Variants in TENM2 observed in about 807,000 individuals in gnomAD.
The protein encoded by TENM2 is teneurin transmembrane protein 2.
A neutral mutation model predicts 245.2 loss-of-function variants in TENM2; 52 were observed. The ratio of observed to expected loss-of-function variants is 0.21; its 90% CI spans 0.17 to 0.27. TENM2 has a LOEUF of 0.27. Ranked by LOEUF, TENM2 falls within the 10% of genes least tolerant of loss-of-function variation. The pLI, the probability that TENM2 is intolerant of heterozygous loss-of-function variation, is 1.00. For missense variants in TENM2, 3,046 were observed against 3,666.8 expected (o/e 0.83, Z 4.37); for synonymous variants, 1,363 against 1,438.9 (o/e 0.95, Z 1.19).
chr5:167,493,728 T>G (rs1768594030), intron 2 of TENM2, among the ~76,000 whole-genome samples: 1 of 152,076 alleles, frequency 6.6e-6, no homozygotes. Context: ...GGAGATAATA[T>G]ATACACACGT....
At chr5:167,926,718 C>CA (rs1777790868) in intron 3 of TENM2, among the ~76,000 whole-genome samples, 1 of 136,718 alleles carries the variant, frequency 7.3e-6, no homozygotes, top group Admixed American at 7.5e-5. Flanking sequence ...TGAGATTCCA[C>CA]CACACACACA....
the TENM2 span, among the ~76,000 whole-genome samples, chr5:167,255,379 G>T: frequency 2.6e-5 from 4 of 152,022 alleles, no homozygotes; most frequent in East Asian, 7.7e-4. Flanking sequence ...CACCTATTGT[G>T]AAGGTCCTAT....
chr5:167,443,230 C>T (rs1764967926), intron 2 of TENM2, among the ~76,000 whole-genome samples: 1 of 152,010 alleles, frequency 6.6e-6, no homozygotes, highest in Non-Finnish European at 1.5e-5. Context: ...AGTTGGCATG[C>T]AGTATGGCCG....
intron 2 of TENM2, among the ~76,000 whole-genome samples, chr5:167,799,096 C>T (rs1404382717): frequency 6.6e-6 from 1 of 152,160 alleles, no homozygotes; most frequent in East Asian, 1.9e-4. Context: ...TAGTGGCCCT[C>T]CTGCTCCAGG....
chr5:167,010,178 T>A, the TENM2 span, among the ~76,000 whole-genome samples: 1 of 152,038 alleles, frequency 6.6e-6, no homozygotes, highest in Non-Finnish European at 1.5e-5. Context: ...GGTCAGGAGT[T>A]CGAGACCAGA....
chr5:168,135,223 T>G (rs1006379465), intron 12 of TENM2, among the ~76,000 whole-genome samples: 1 of 152,212 alleles, frequency 6.6e-6, no homozygotes, highest in African/African-American at 2.4e-5. Flanking sequence ...ATGACCCATG[T>G]GTAACATCTG....
chr5:167,289,119 T>C (rs902618432), intron 1 of TENM2, among the ~76,000 whole-genome samples: 1 of 152,190 alleles, frequency 6.6e-6, no homozygotes, highest in East Asian at 1.9e-4. Context: ...AATACCTCTC[T>C]ACCAACCACC....
chr5:168,124,789 G>T (rs1302373022), intron 10 of TENM2, 61 bp from the exon 13 acceptor site: 2 of 1,486,218 alleles, frequency 1.3e-6, no homozygotes, highest in Non-Finnish European at 1.8e-6. Flanking sequence ...ATGTCTCATG[G>T]TCCATCCTCC....
chr5:167,541,393 G>A (rs1772202138), intron 2 of TENM2, among the ~76,000 whole-genome samples: 1 of 152,132 alleles, frequency 6.6e-6, no homozygotes, highest in African/African-American at 2.4e-5. Flanking sequence ...CGGGGAGTCT[G>A]TAGTTTATAA....
At chr5:167,143,844 G>T in the TENM2 span, among the ~76,000 whole-genome samples, 1 of 151,984 alleles carries the variant, frequency 6.6e-6, no homozygotes, top group African/African-American at 2.4e-5. Flanking sequence ...TTCACATTTC[G>T]CACTTGCTTT....
At chr5:167,262,531 CT>C in the TENM2 span, among the ~76,000 whole-genome samples, 76 of 152,088 alleles carry the variant, frequency 5.0e-4, no homozygotes, top group Middle Eastern at 3.4e-3. Flanking sequence ...CTTTTCCATT[CT>C]TTTTTCTAGG....
chr5:167,976,517 C>A (rs1221528828), intron 4 of TENM2, among the ~76,000 whole-genome samples: 1 of 152,122 alleles, frequency 6.6e-6, no homozygotes, highest in East Asian at 1.9e-4. Context: ...TACAAATATA[C>A]TTGGTGATCC....
chr5:168,027,712 CA>C (rs1431618275), intron 5 of TENM2, among the ~76,000 whole-genome samples: 2 of 152,214 alleles, frequency 1.3e-5, no homozygotes, highest in African/African-American at 4.8e-5. Flanking sequence ...AATGGAACCT[CA>C]GCTTTGCGTG....
At chr5:167,189,947 A>G in the TENM2 span, among the ~76,000 whole-genome samples, 9 of 152,110 alleles carry the variant, frequency 5.9e-5, no homozygotes, top group African/African-American at 2.2e-4. Flanking sequence ...TAGTCCTATG[A>G]AAGTCTAAAA....
chr5:167,290,993 T>C (rs1754598252), intron 1 of TENM2, among the ~76,000 whole-genome samples: 1 of 152,226 alleles, frequency 6.6e-6, no homozygotes, highest in South Asian at 2.1e-4. Flanking sequence ...TTTTGGATTT[T>C]CATCATTGAT....
intron 2 of TENM2, among the ~76,000 whole-genome samples, chr5:167,564,315 G>A (rs549233811): frequency 1.3e-5 from 2 of 152,126 alleles, no homozygotes; most frequent in Non-Finnish European, 2.9e-5. Context: ...TGAGGTAGAG[G>A]CCTATGCAGC....
intron 2 of TENM2, among the ~76,000 whole-genome samples, chr5:167,615,115 A>T (rs1012763685): frequency 6.6e-6 from 1 of 152,166 alleles, no homozygotes; most frequent in Non-Finnish European, 1.5e-5. Flanking sequence ...AAACAACTTT[A>T]TCTCGATTCA....
At chr5:167,567,794 A>G (rs1365284027) in intron 2 of TENM2, among the ~76,000 whole-genome samples, 1 of 152,158 alleles carries the variant, frequency 6.6e-6, no homozygotes, top group Non-Finnish European at 1.5e-5. Context: ...ACATTATACT[A>G]GCTGTATTTT....
chr5:167,330,087 C>A (rs1297743820), intron 1 of TENM2, among the ~76,000 whole-genome samples: 1 of 152,050 alleles, frequency 6.6e-6, no homozygotes, highest in East Asian at 1.9e-4. Context: ...AGACATATGA[C>A]CTTGAGTATG....
Sources: gnomAD v4.1 joint callset for allele counts (sites outside exome capture counted in the v4.1 genomes callset) on GRCh38, gnomAD v4.1.1 for gene constraint, MANE v1.5 for transcripts, NCBI Gene and HGNC (gene_info 2026-07-23, HGNC 2026-07-21) for gene names.